TRAPPC9: variants seen among roughly 807,000 people sequenced by gnomAD.
The protein encoded by TRAPPC9 is IKK2 binding protein.
TRAPPC9 carries 83 observed loss-of-function variants against 124.0 expected under a neutral mutation model. The observed-to-expected ratio is 0.67, with a 90% CI of 0.56 to 0.80. TRAPPC9 has a LOEUF of 0.80. Ranked by LOEUF, TRAPPC9 falls within the 30% of genes least tolerant of loss-of-function variation. The pLI is 0.00. For missense variants in TRAPPC9, 1,302 were observed against 1,508.3 expected, an observed-to-expected ratio of 0.86 and a Z score of 2.27; for synonymous variants, 638 against 617.5, an observed-to-expected ratio of 1.03 and a Z score of -0.49.
At chr8:140,259,125 C>A (rs148672201) in intron 15 of TRAPPC9, among the ~76,000 whole-genome samples, 1 of 152,236 alleles carries the variant, frequency 6.6e-6, no homozygotes, top group Non-Finnish European at 1.5e-5. Flanking sequence ...TCCCCTCTCA[C>A]GGCTGCTCTC....
Position 139,836,010 on chromosome 8 carries a change from A to T in TRAPPC9, c.3055+49869T>A, listed in dbSNP as rs557215494. ...GTAGCACAAAGGGAAGCATTTATTT[A>T]TTTATTTATTTTTTTTGAGACAGAG... On this transcript the variant is annotated intron_variant, in intron 21 of 22. Coordinates refer to ENST00000438773, the MANE Select transcript of TRAPPC9 (RefSeq NM_001160372.4). Among the ~76,000 whole-genome samples the T allele has an allele frequency of 3.6e-3, 435 of 121,648 alleles. 3 individuals carry two copies. Among genetic ancestry groups the T allele is most frequent in the African/African-American group, 0.02 (403 of 20,094 alleles). 79.8% of individuals were successfully genotyped at this position (121,648 alleles called of 152,430 possible).
At chr8:139,850,760 C>T (rs1334334679) in intron 21 of TRAPPC9, among the ~76,000 whole-genome samples, 1 of 152,176 alleles carries the variant, frequency 6.6e-6, no homozygotes, top group Non-Finnish European at 1.5e-5. Flanking sequence ...CAGTCTTCAT[C>T]CCTTCACCCA....
intron 17 of TRAPPC9, among the ~76,000 whole-genome samples, chr8:140,136,022 A>G (rs577527435): frequency 3.3e-5 from 5 of 152,286 alleles, no homozygotes; most frequent in African/African-American, 1.2e-4. Flanking sequence ...TGAAATTACA[A>G]ATTACCACAT....
intron 21 of TRAPPC9, among the ~76,000 whole-genome samples, chr8:139,767,676 T>A (rs1331117867): frequency 6.6e-6 from 1 of 151,764 alleles, no homozygotes; most frequent in Admixed American, 6.6e-5. Context: ...CACAGAGAAG[T>A]GGAAATAACA....
intron 17 of TRAPPC9, among the ~76,000 whole-genome samples, chr8:140,180,212 A>G (rs2062166539): frequency 6.6e-6 from 1 of 151,738 alleles, no homozygotes; most frequent in East Asian, 1.9e-4. Flanking sequence ...TATCAGCTAT[A>G]ACACTTTGTA....
intron 15 of TRAPPC9, among the ~76,000 whole-genome samples, chr8:140,271,184 A>T (rs978010465): frequency 3.9e-5 from 6 of 152,214 alleles, no homozygotes; most frequent in African/African-American, 1.4e-4. Flanking sequence ...AGTTCAGAGT[A>T]CCAGATGAAG....
chr8:139,955,804 C>T (rs556671473), intron 19 of TRAPPC9, among the ~76,000 whole-genome samples: 3 of 152,234 alleles, frequency 2.0e-5, no homozygotes, highest in South Asian at 4.1e-4. Flanking sequence ...CCACTAACGT[C>T]GAGGAATCCT....
intron 7 of TRAPPC9, among the ~76,000 whole-genome samples, chr8:140,388,372 TAA>T (rs752164773): frequency 1.0e-3 from 134 of 128,780 alleles, no homozygotes; most frequent in Non-Finnish European, 9.5e-4. Flanking sequence ...GAACTTACAG[TAA>T]AAAAAAAAAA....
intron 17 of TRAPPC9, among the ~76,000 whole-genome samples, chr8:140,200,114 C>T (rs767134065): frequency 1.3e-5 from 2 of 152,044 alleles, no homozygotes; most frequent in African/African-American, 2.4e-5. Context: ...TTCTCACGGC[C>T]GGAGAGGGAA....
rs759855499 is a variant in TRAPPC9 at position 140,451,206 on chromosome 8, G to T, written c.168C>A (p.Arg56=). 6.2e-7 allele frequency: 1 copy of T among 1,614,074 alleles called. No homozygotes were observed. Among genetic ancestry groups the T allele is most frequent in the East Asian group, 2.2e-5 (1 of 44,890 alleles). ...TCTCGGGTGGGTAGTGGTGCCTGTA[G>T]CGGATGTAGAGGACTCGCTGGGAGT... is the stretch of plus-strand genomic sequence containing the variant. ...VRDSQRVLYI[R]YRHHYPPENN... The change falls in exon 2 of 23, where the codon CGC becomes CGA. Residue 56 remains arginine, a synonymous_variant. Transcript: ENST00000438773.
chr8:140,451,429 T>A, intron 1 of TRAPPC9, 46 bp from the exon 2 acceptor site: 1 of 1,514,932 alleles, frequency 6.6e-7, no homozygotes, highest in East Asian at 2.3e-5. Flanking sequence ...GAGTCCTGAG[T>A]GCTGAGAGCC....
At chr8:140,395,048 C>T (rs941829414) in intron 7 of TRAPPC9, among the ~76,000 whole-genome samples, 1 of 152,210 alleles carries the variant, frequency 6.6e-6, no homozygotes, top group Non-Finnish European at 1.5e-5. Context: ...CTTGGGCGCC[C>T]AGGTAACTGA....
intron 6 of TRAPPC9, among the ~76,000 whole-genome samples, chr8:140,404,909 C>CGCGTGTGT (rs1472521710): frequency 1.7e-5 from 2 of 120,058 alleles, no homozygotes; most frequent in East Asian, 2.4e-4. Flanking sequence ...TGTGAGCATG[C>CGCGTGTGT]GTGTGTGTGT....
intron 16 of TRAPPC9, among the ~76,000 whole-genome samples, chr8:140,226,869 C>G (rs144738075): frequency 9.2e-5 from 14 of 152,012 alleles, no homozygotes; most frequent in Non-Finnish European, 1.9e-4. Context: ...AGAAAAAAGT[C>G]TTAAAATTCC....
chr8:140,177,649 G>T (rs984441385), intron 17 of TRAPPC9, among the ~76,000 whole-genome samples: 3 of 152,000 alleles, frequency 2.0e-5, no homozygotes, highest in Non-Finnish European at 2.9e-5. Context: ...CTGGAATTTC[G>T]ATTACACCTG....
At chr8:139,892,093 T>G (rs545385136) in intron 20 of TRAPPC9, among the ~76,000 whole-genome samples, 1 of 152,170 alleles carries the variant, frequency 6.6e-6, no homozygotes, top group African/African-American at 2.4e-5. Flanking sequence ...TACCCATACA[T>G]GGGCCGCCAC....
At chr8:139,957,869 T>C (rs971372277) in intron 19 of TRAPPC9, among the ~76,000 whole-genome samples, 3 of 152,160 alleles carry the variant, frequency 2.0e-5, no homozygotes, top group Admixed American at 2.0e-4. Flanking sequence ...CTTCGTCTTC[T>C]CCAAAGGCCC....
At chr8:139,964,962 G>A (rs567344948) in intron 19 of TRAPPC9, among the ~76,000 whole-genome samples, 1 of 152,340 alleles carries the variant, frequency 6.6e-6, no homozygotes, top group East Asian at 1.9e-4. Flanking sequence ...AACTGGGGCT[G>A]TTGCTCTCCT....
chr8:140,221,821 A>G (rs2063344155), intron 16 of TRAPPC9, among the ~76,000 whole-genome samples: 1 of 152,150 alleles, frequency 6.6e-6, no homozygotes, highest in Non-Finnish European at 1.5e-5. Context: ...TATTTTTGGT[A>G]GAGGTGGGGT....
Sources: gnomAD v4.1 joint callset for allele counts (sites outside exome capture counted in the v4.1 genomes callset) on GRCh38, gnomAD v4.1.1 for gene constraint, MANE v1.5 for transcripts, NCBI Gene and HGNC (gene_info 2026-07-23, HGNC 2026-07-21) for gene names.